The following ULK4 variants were observed in gnomAD, a reference collection of about 807,000 sequenced individuals.
ULK4 encodes the protein inactive serine/threonine-protein kinase ULK4.
Under a neutral mutation model 160.6 loss-of-function variants are expected in ULK4, and 133 were observed. The observed-to-expected ratio is 0.83, with a 90% CI of 0.72 to 0.96. The LOEUF (loss-of-function observed/expected upper bound fraction) is 0.96, where lower values mean the gene tolerates loss of function less well. ULK4 is among the 40% of genes least tolerant of loss of function. The pLI, the probability that ULK4 is intolerant of heterozygous loss-of-function variation, is 0.00. For synonymous variants in ULK4, 534 were observed against 539.8 expected (o/e 0.99, Z 0.15); for missense variants, 1,580 against 1,499.5 (o/e 1.05, Z -0.89).
At chr3:41,531,909 T>C (rs2086333870) in intron 32 of ULK4, among the ~76,000 whole-genome samples, 2 of 152,202 alleles carry the variant, frequency 1.3e-5, no homozygotes, top group African/African-American at 4.8e-5. Flanking sequence ...TACAAGAGAT[T>C]CCAGTCTAAT....
chr3:41,476,078 G>A (rs533665432), intron 32 of ULK4, among the ~76,000 whole-genome samples: 1 of 148,742 alleles, frequency 6.7e-6, no homozygotes, highest in South Asian at 2.2e-4. Flanking sequence ...AGGGAAAGGA[G>A]GAGGGAGGGA....
At chr3:41,545,424 T>A (rs73830225) in intron 32 of ULK4, among the ~76,000 whole-genome samples, 9,255 of 152,252 alleles carry the variant, frequency 0.061, 838 homozygotes, top group African/African-American at 0.2. Context: ...TTGGCAACTT[T>A]ATATTCTTTC....
At chr3:41,389,873 G>T (rs992284192) in intron 35 of ULK4, among the ~76,000 whole-genome samples, 2 of 152,158 alleles carry the variant, frequency 1.3e-5, no homozygotes, top group Non-Finnish European at 2.9e-5. Context: ...GTATCAGGAT[G>T]ATGCTGGCCT....
intron 25 of ULK4, among the ~76,000 whole-genome samples, chr3:41,705,566 G>A (rs1032721166): frequency 4.0e-5 from 6 of 151,380 alleles, no homozygotes; most frequent in Non-Finnish European, 7.4e-5. Flanking sequence ...GCCCGATCTC[G>A]GCTCACCAAA....
At chr3:41,394,474 A>G (rs1466209434) in intron 35 of ULK4, among the ~76,000 whole-genome samples, 1 of 152,120 alleles carries the variant, frequency 6.6e-6, no homozygotes, top group Non-Finnish European at 1.5e-5. Flanking sequence ...CATACCTTAA[A>G]TGTGCTCAGA....
At chr3:41,649,880 A>G (rs1469559056) in intron 30 of ULK4, among the ~76,000 whole-genome samples, 1 of 152,220 alleles carries the variant, frequency 6.6e-6, no homozygotes, top group Non-Finnish European at 1.5e-5. Context: ...TACATGGCCC[A>G]GAGTGAGAAC....
At position 41,331,635 on chromosome 3, in the gene ULK4, T is replaced by A. The variant is rs190456313; in HGVS notation, c.3678+66444A>T. Among the ~76,000 whole-genome samples, 68 of 152,336 alleles carry A rather than the reference T, an allele frequency of 4.5e-4. No individual in the cohort carries two copies. The East Asian group carries it at 0.013, about 29-fold the overall frequency. On this transcript the variant is annotated intron_variant, in intron 35 of 36. Transcript: ENST00000301831. Reference sequence around the variant, plus strand: ...CACATTTTCTTAATTATTTTACAGATTCAAGGTAGAAATAAACTTTTTTTG... The same window carrying A: ...CACATTTTCTTAATTATTTTACAGAATCAAGGTAGAAATAAACTTTTTTTG...
At chr3:41,489,237 A>C (rs1005908752) in intron 32 of ULK4, among the ~76,000 whole-genome samples, 3 of 152,228 alleles carry the variant, frequency 2.0e-5, no homozygotes, top group Non-Finnish European at 4.4e-5. Flanking sequence ...AGTCATGATT[A>C]GAATTTTCAA....
At chr3:41,368,597 T>C (rs996820501) in intron 35 of ULK4, among the ~76,000 whole-genome samples, 2 of 152,196 alleles carry the variant, frequency 1.3e-5, no homozygotes, top group African/African-American at 4.8e-5. Context: ...CACTAATCTA[T>C]GTGTCTATTT....
At chr3:41,836,911 C>T (rs543921367) in intron 17 of ULK4, among the ~76,000 whole-genome samples, 11 of 151,970 alleles carry the variant, frequency 7.2e-5, no homozygotes, top group Non-Finnish European at 1.3e-4. Context: ...AGAACAGTTT[C>T]GGAATGACAT....
intron 31 of ULK4, among the ~76,000 whole-genome samples, chr3:41,588,824 G>A (rs1001662493): frequency 6.6e-6 from 1 of 152,138 alleles, no homozygotes; most frequent in African/African-American, 2.4e-5. Flanking sequence ...TTTAAGCCAT[G>A]GTAATAAAGA....
intron 29 of ULK4, among the ~76,000 whole-genome samples, chr3:41,680,644 A>G (rs1349164426): frequency 6.6e-6 from 1 of 152,160 alleles, no homozygotes; most frequent in Admixed American, 6.5e-5. Flanking sequence ...CTTTACTATG[A>G]TCATTAATTT....
chr3:41,602,303 AAGGAAAGGAAAGGAAAGG>A (rs2032133271), intron 31 of ULK4, among the ~76,000 whole-genome samples: 3 of 123,620 alleles, frequency 2.4e-5, no homozygotes, highest in African/African-American at 1.1e-4. Context: ...AAGGAAAGGA[AAGGAAAGGAAAGGAAAGG>A]AGGAAGGGAA....
At chr3:41,839,311 G>A (rs2041845543) in intron 17 of ULK4, among the ~76,000 whole-genome samples, 1 of 151,746 alleles carries the variant, frequency 6.6e-6, no homozygotes, top group African/African-American at 2.4e-5. Context: ...CTGCACTCCA[G>A]CCTGGGCAAC....
At chr3:41,629,867 G>A (rs914458304) in intron 30 of ULK4, among the ~76,000 whole-genome samples, 12 of 152,090 alleles carry the variant, frequency 7.9e-5, no homozygotes, top group Non-Finnish European at 1.5e-4. Context: ...CATAGTGGTG[G>A]GTGCCTGTAA....
chr3:41,573,717 A>C (rs2088084712), intron 31 of ULK4, among the ~76,000 whole-genome samples: 1 of 152,160 alleles, frequency 6.6e-6, no homozygotes, highest in African/African-American at 2.4e-5. Flanking sequence ...ACATTTCAGA[A>C]AACAAATTTA....
Position 41,932,006 on chromosome 3 carries a change from T to G in ULK4, c.379A>C (p.Ile127Leu), listed in dbSNP as rs375909190. 2 of 1,610,636 alleles carry G rather than the reference T, an allele frequency of 1.2e-6. No homozygotes were observed. The highest frequency in any genetic ancestry group is 1.7e-6 in the Non-Finnish European group (2 of 1,178,202). ...AGTGTGCCAGGCCCTTCCAAGAGTA[T>G]CTATGAAGATCAAATAAATGTTTTC... is the stretch of plus-strand genomic sequence containing the variant. ...ILFCDISPRK[I>L]LLEGPGTLKF... The change falls in exon 5 of 37, where the codon ATA becomes CTA. Residue 127 changes from isoleucine (I) to leucine (L), a missense_variant and splice_region_variant. Physicochemically the swap from Ile to Leu is conservative, Grantham distance 5. Coordinates refer to ENST00000301831, the MANE Select transcript of ULK4 (RefSeq NM_017886.4).
chr3:41,896,341 G>C (rs1698156096), intron 15 of ULK4, among the ~76,000 whole-genome samples: 1 of 152,026 alleles, frequency 6.6e-6, no homozygotes, highest in African/African-American at 2.4e-5. Flanking sequence ...TGCAACCTCT[G>C]CCTCCCGGGT....
At chr3:41,407,433 C>A (rs2082317178) in intron 34 of ULK4, among the ~76,000 whole-genome samples, 1 of 152,144 alleles carries the variant, frequency 6.6e-6, no homozygotes, top group African/African-American at 2.4e-5. Context: ...CAAAAACCCA[C>A]TATAGGCCAA....
Sources: allele counts gnomAD v4.1 joint callset (sites outside exome capture counted in the v4.1 genomes callset), GRCh38; gene constraint gnomAD v4.1.1; transcripts MANE v1.5; gene names NCBI Gene and HGNC (gene_info 2026-07-23, HGNC 2026-07-21).